HELB: variants seen among roughly 807,000 people sequenced by gnomAD.
The protein encoded by HELB is DNA helicase B, also known as DNA 5'-3' helicase B.
In HELB, 96 loss-of-function variants were observed where a neutral mutation model predicts 101.7. That is an observed-to-expected ratio of 0.94 (90% confidence interval 0.80 to 1.12). The LOEUF (loss-of-function observed/expected upper bound fraction) is 1.12. Ranked by LOEUF, HELB falls within the 50% of genes most tolerant of loss-of-function variation. HELB has a pLI of 0.00. For synonymous variants in HELB, 437 were observed against 459.7 expected (o/e 0.95, Z 0.63); for missense variants, 1,210 against 1,291.9 (o/e 0.94, Z 0.97).
chr12:66,310,760 G>T, intron 4 of HELB, 152 bp downstream of exon 4: 1 of 693,900 alleles, frequency 1.4e-6, no homozygotes, highest in Non-Finnish European at 2.4e-6. Flanking sequence ...GTGGAACCCT[G>T]TCTCTACTAA....
intron 12 of HELB, among the ~76,000 whole-genome samples, chr12:66,335,083 G>A (rs1214691473): frequency 1.3e-5 from 2 of 152,194 alleles, no homozygotes; most frequent in African/African-American, 4.8e-5. Flanking sequence ...AGATGGGAAA[G>A]ATGTGAGGAG....
Position 66,310,523 on chromosome 12 carries a change from TAGAAG to T in HELB, c.1596_1600del (p.Glu533PhefsTer30). ...AGTCAACTAGAGGCGGACAAGGCTA[TAGAAG>T]TTTTGCTCACAGCACCTACAGGGAA... On this transcript the variant is annotated frameshift_variant, in exon 4 of 13. Coordinates refer to ENST00000247815, the MANE Select transcript of HELB (RefSeq NM_001370285.1). LOFTEE classifies it high-confidence loss of function. 6.2e-7 allele frequency: 1 copy of T among 1,614,232 alleles called. No homozygotes were observed. Among genetic ancestry groups the T allele is most frequent in the South Asian group, 1.1e-5 (1 of 91,088 alleles).
intron 11 of HELB, among the ~76,000 whole-genome samples, chr12:66,328,560 TAAACA>T (rs2053768877): frequency 6.6e-6 from 1 of 151,938 alleles, no homozygotes; most frequent in African/African-American, 2.4e-5. Flanking sequence ...CAAAAACAAA[TAAACA>T]AAACAAAAGT....
At chr12:66,319,913 T>C (rs1408902516) in intron 7 of HELB, among the ~76,000 whole-genome samples, 1 of 151,586 alleles carries the variant, frequency 6.6e-6, no homozygotes, top group African/African-American at 2.4e-5. Context: ...ACTTTTTTTT[T>C]CTATTTTTCA....
chr12:66,333,808 G>A (rs977426842), intron 12 of HELB, among the ~76,000 whole-genome samples: 1 of 152,134 alleles, frequency 6.6e-6, no homozygotes, highest in Non-Finnish European at 1.5e-5. Flanking sequence ...ATTTTATTCT[G>A]CTTGCAGTGG....
rs999642871 is a variant in HELB at position 66,314,017 on chromosome 12, C to A, written c.1712C>A (p.Thr571Lys). 24 of 1,613,744 alleles carry A rather than the reference C, an allele frequency of 1.5e-5. No homozygotes were observed. In the Admixed American group the frequency reaches 3.5e-4, roughly 24 times the overall value. Residue 571 changes from threonine (T) to lysine (K), a missense_variant, in exon 5 of 13, where the codon ACA becomes AAA. Physicochemically the swap from Thr to Lys is moderately conservative, Grantham distance 78. This residue lies in a region of HELB where 740 missense variants were observed against 728.8 expected (regional missense o/e 1.02). Transcript: ENST00000247815. Reference sequence around the variant, plus strand: ...TATAGCTTCTATTCATGGACTCAAACAATGATGACCACAAACAAACCATGG... The same window carrying A: ...TATAGCTTCTATTCATGGACTCAAAAAATGATGACCACAAACAAACCATGG... ...VNYSFYSWTQ[T>K]MMTTNKPWKF...
intron 6 of HELB, 75 bp from the exon 7 acceptor site, chr12:66,318,563 C>A: frequency 7.6e-7 from 1 of 1,319,552 alleles, no homozygotes; most frequent in Non-Finnish European, 1.0e-6. Flanking sequence ...ATTATAAGGA[C>A]ATTAGCTCTG....
intron 11 of HELB, among the ~76,000 whole-genome samples, chr12:66,328,911 T>C (rs1279102026): frequency 1.3e-5 from 2 of 152,218 alleles, no homozygotes; most frequent in Non-Finnish European, 1.5e-5. Context: ...TTAAGCTGCA[T>C]ATATGACTTA....
rs2053528382 is a variant in HELB, at chr12:66,310,362, A to T, written c.1434A>T (p.Gly478=). The change falls in exon 4 of 13, where the codon GGA becomes GGT. Residue 478 remains glycine, a synonymous_variant. Coordinates refer to ENST00000247815, the MANE Select transcript of HELB (RefSeq NM_001370285.1). ...TGACAGTCATAAGTGGGAAAGGTGG[A>T]TGTGGGAAGACCACAATCGTTAGCC... is the stretch of plus-strand genomic sequence containing the variant. ...NPVTVISGKG[G]CGKTTIVSRL... 1.2e-6 allele frequency: 2 copies of T among 1,614,114 alleles called. No individual in the cohort carries two copies. Among genetic ancestry groups the T allele is most frequent in the Admixed American group, 1.7e-5 (1 of 59,990 alleles).
At chr12:66,339,751 A>G (rs1339266515), downstream of HELB, 1 of 151,686 alleles carries the variant, frequency 6.6e-6, no homozygotes, top group African/African-American at 2.4e-5. Flanking sequence ...TAAGAGCAAA[A>G]CTCCGTCTCA....
chr12:66,340,884 TC>T (rs1363691579), downstream of HELB: 3 of 152,540 alleles, frequency 2.0e-5, no homozygotes, highest in Non-Finnish European at 2.9e-5. Flanking sequence ...GGTTCTGCCC[TC>T]CCCAGCCCAC....
chr12:66,307,258 G>A (rs1414453920), intron 3 of HELB, among the ~76,000 whole-genome samples: 1 of 152,092 alleles, frequency 6.6e-6, no homozygotes, highest in African/African-American at 2.4e-5. Flanking sequence ...TATGAATTCA[G>A]TATGCTTTTA....
At chr12:66,318,058 T>A (rs533275535) in intron 6 of HELB, among the ~76,000 whole-genome samples, 28 of 152,328 alleles carry the variant, frequency 1.8e-4, no homozygotes, top group Middle Eastern at 6.8e-3. Context: ...TGTGGATACT[T>A]GGTTCAGTTG....
At chr12:66,329,049 T>C (rs2137012668) in intron 11 of HELB, among the ~76,000 whole-genome samples, 1 of 152,316 alleles carries the variant, frequency 6.6e-6, no homozygotes, top group South Asian at 2.1e-4. Flanking sequence ...TAGAACCAAT[T>C]TATAGAATAG....
At chr12:66,310,812 T>G (rs2053535621) in intron 4 of HELB, among the ~76,000 whole-genome samples, 1 of 152,048 alleles carries the variant, frequency 6.6e-6, no homozygotes, top group Non-Finnish European at 1.5e-5. Context: ...ACACCTGTAA[T>G]CCCAGCTACT....
intron 12 of HELB, among the ~76,000 whole-genome samples, chr12:66,333,598 C>T (rs955438539): frequency 2.0e-5 from 3 of 151,760 alleles, no homozygotes; most frequent in Admixed American, 6.6e-5. Context: ...AGGGAGGAGT[C>T]GCTTGAACCC....
chr12:66,327,035 C>CAAAAAAAAA (rs756031862), intron 11 of HELB, among the ~76,000 whole-genome samples: 3 of 41,704 alleles, frequency 7.2e-5, no homozygotes, highest in Non-Finnish European at 3.9e-5. Flanking sequence ...GACTTCATCT[C>CAAAAAAAAA]AAAAAAAAAA....
At chr12:66,302,842 T>C in intron 1 of HELB, 52 bp downstream of exon 1, 1 of 1,488,720 alleles carries the variant, frequency 6.7e-7, no homozygotes, top group Non-Finnish European at 9.1e-7. Context: ...AAAGTAGCGC[T>C]TCCCATTCTG....
chr12:66,331,814 C>T (rs1229076946), intron 12 of HELB, among the ~76,000 whole-genome samples, 169 bp downstream of exon 12: 3 of 152,180 alleles, frequency 2.0e-5, no homozygotes, highest in Non-Finnish European at 4.4e-5. Context: ...CTGATTTCCC[C>T]TTCATTTCCT....
Sources: allele counts gnomAD v4.1 joint callset (sites outside exome capture counted in the v4.1 genomes callset), GRCh38; gene constraint gnomAD v4.1.1; regional missense constraint gnomAD v4.1.1; transcripts MANE v1.5; gene names NCBI Gene and HGNC (gene_info 2026-07-23, HGNC 2026-07-21).